Variants in CNST observed in about 807,000 individuals in gnomAD.
CNST encodes the protein consortin.
A neutral mutation model predicts 72.4 loss-of-function variants in CNST; 39 were observed. The ratio of observed to expected loss-of-function variants is 0.54; its 90% CI spans 0.42 to 0.70. The LOEUF (loss-of-function observed/expected upper bound fraction) is 0.70, where lower values mean the gene tolerates loss of function less well. Among genes scored for constraint, CNST ranks in the 30% least tolerant of loss-of-function variants. The pLI is 0.00. For synonymous variants in CNST, 332 were observed against 320.1 expected, an observed-to-expected ratio of 1.04 and a Z score of -0.40; for missense variants, 871 against 868.5, an observed-to-expected ratio of 1.00 and a Z score of -0.04.
intron 3 of CNST, among the ~76,000 whole-genome samples, chr1:246,622,894 G>C (rs1175336188): frequency 6.6e-6 from 1 of 152,100 alleles, no homozygotes; most frequent in African/African-American, 2.4e-5. Context: ...CATGATCTCA[G>C]CTCACTGTAA....
intron 9 of CNST, among the ~76,000 whole-genome samples, chr1:246,656,368 G>A (rs947000040): frequency 2.0e-5 from 3 of 152,198 alleles, no homozygotes; most frequent in African/African-American, 7.2e-5. Flanking sequence ...GAGGGGAAGT[G>A]TGGGAAGAAC....
At chr1:246,617,107 C>T (rs971677036) in intron 2 of CNST, among the ~76,000 whole-genome samples, 1 of 152,048 alleles carries the variant, frequency 6.6e-6, no homozygotes, top group African/African-American at 2.4e-5. Context: ...TAAAAATAAG[C>T]TCTTAGCATA....
intron 3 of CNST, among the ~76,000 whole-genome samples, chr1:246,625,424 T>C (rs1664353441): frequency 7.4e-6 from 1 of 135,630 alleles, no homozygotes; most frequent in Admixed American, 7.5e-5. Context: ...CTTTTTTTTT[T>C]TTTTTTTTTT....
chr1:246,649,325 T>A (rs1666318807), intron 9 of CNST, among the ~76,000 whole-genome samples: 1 of 152,062 alleles, frequency 6.6e-6, no homozygotes, highest in South Asian at 2.1e-4. Context: ...TTACAAAGAG[T>A]TAAAATGGCA....
At chr1:246,660,366 A>G (rs1667028274) in intron 10 of CNST, 32 bp downstream of exon 10, 3 of 1,598,086 alleles carry the variant, frequency 1.9e-6, no homozygotes, top group African/African-American at 1.3e-5. Context: ...CTAGCAGGAT[A>G]GATGCTCAGT....
At chr1:246,612,252 AGT>A (rs1228847307) in intron 2 of CNST, among the ~76,000 whole-genome samples, 1 of 152,250 alleles carries the variant, frequency 6.6e-6, no homozygotes, top group African/African-American at 2.4e-5. Flanking sequence ...CCCAGACTAG[AGT>A]GCAGTGGCAC....
chr1:246,599,634 G>A (rs905426492), intron 2 of CNST, among the ~76,000 whole-genome samples: 1 of 152,138 alleles, frequency 6.6e-6, no homozygotes, highest in Non-Finnish European at 1.5e-5. Context: ...TGGGCTGGGC[G>A]CAATGGCTCA....
chr1:246,626,631 A>G (rs1664458002), intron 3 of CNST, among the ~76,000 whole-genome samples: 4 of 144,752 alleles, frequency 2.8e-5, no homozygotes, highest in African/African-American at 5.1e-5. Context: ...TAATTTTTAA[A>G]TTTTTAGCAG....
chr1:246,620,958 T>C (rs1208820251), intron 2 of CNST, among the ~76,000 whole-genome samples: 2 of 152,272 alleles, frequency 1.3e-5, no homozygotes, highest in Non-Finnish European at 2.9e-5. Context: ...AGTTCCTTTC[T>C]GAGGCAGTCT....
intron 3 of CNST, among the ~76,000 whole-genome samples, chr1:246,622,796 G>A (rs1664176928): frequency 6.6e-6 from 1 of 151,938 alleles, no homozygotes; most frequent in Non-Finnish European, 1.5e-5. Flanking sequence ...TATTTGAGCT[G>A]CATCTTATTT....
intron 8 of CNST, among the ~76,000 whole-genome samples, chr1:246,642,451 A>G (rs1238058611): frequency 6.6e-6 from 1 of 152,046 alleles, no homozygotes; most frequent in Admixed American, 6.5e-5. Context: ...GTAAATTTAG[A>G]TATTTTAAAC....
At chr1:246,658,846 C>G (rs1052248847) in intron 9 of CNST, among the ~76,000 whole-genome samples, 12 of 152,230 alleles carry the variant, frequency 7.9e-5, no homozygotes, top group South Asian at 2.1e-4. Context: ...AAGTTAACTT[C>G]TGTGACTGGC....
At chr1:246,591,475 A>AC in intron 1 of CNST, 37 bp from the exon 2 acceptor site, 1 of 1,235,272 alleles carries the variant, frequency 8.1e-7, no homozygotes, top group Non-Finnish European at 1.1e-6. Flanking sequence ...TGCAAAGGTT[A>AC]GAAAATGAAG....
rs142685342 is a variant in CNST at position 246,595,484 on chromosome 1, C to T, written c.379+3543C>T. Among the ~76,000 whole-genome samples the T allele has an allele frequency of 2.3e-3, 353 of 152,272 alleles. 3 individuals carry two copies. Among genetic ancestry groups the T allele is most frequent in the African/African-American group, 8.1e-3 (336 of 41,562 alleles). On this transcript the variant is annotated intron_variant, in intron 2 of 10. Transcript: ENST00000366513. ...CTACATTTGTTTCCCATCTTGCTTC[C>T]ATCCTCCATGTCAAAAATAATGCAA... is the stretch of plus-strand genomic sequence containing the variant.
At chr1:246,628,858 G>T (rs1664606816) in intron 3 of CNST, among the ~76,000 whole-genome samples, 1 of 152,102 alleles carries the variant, frequency 6.6e-6, no homozygotes, top group African/African-American at 2.4e-5. Flanking sequence ...GGATAACCAG[G>T]ATCACCTTAC....
chr1:246,601,335 A>T (rs1022358552), intron 2 of CNST, among the ~76,000 whole-genome samples: 1 of 151,950 alleles, frequency 6.6e-6, no homozygotes, highest in African/African-American at 2.4e-5. Flanking sequence ...ATACAAAACA[A>T]TGAGGTTCTG....
intron 9 of CNST, 44 bp from the exon 10 acceptor site, chr1:246,660,155 C>T (rs752812969): frequency 9.0e-6 from 14 of 1,549,888 alleles, no homozygotes; most frequent in Non-Finnish European, 1.2e-5. Flanking sequence ...GTAGAGATGT[C>T]CCGCCTTAAT....
At position 246,647,336 on chromosome 1, in the gene CNST, G is replaced by C. The variant is rs199596698; in HGVS notation, c.1135G>C (p.Glu379Gln). 1 of 1,614,182 alleles carries C rather than the reference G, an allele frequency of 6.2e-7. No homozygotes were observed. The highest frequency in any genetic ancestry group is 8.5e-7 in the Non-Finnish European group (1 of 1,180,044). ...ATLALHTQSS[E>Q]TAGSPSGPDS... The stretch of plus-strand genomic sequence containing the variant: ...GTTAGCGCTCCACACCCAGTCCTCC[G>C]AGACAGCAGGGAGCCCGTCTGGGCC... Residue 379 changes from glutamate to glutamine, a missense_variant, in exon 9 of 11, where the codon GAG becomes CAG. Physicochemically the swap from Glu to Gln is conservative, Grantham distance 29. Transcript: ENST00000366513.
chr1:246,605,625 CCTCTCTGT>C (rs1166285598), intron 2 of CNST, among the ~76,000 whole-genome samples: 1 of 150,474 alleles, frequency 6.6e-6, no homozygotes, highest in African/African-American at 2.5e-5. Context: ...ACCTGGATGG[CCTCTCTGT>C]CTATCCTCGG....
Sources: allele counts gnomAD v4.1 joint callset (sites outside exome capture counted in the v4.1 genomes callset), GRCh38; gene constraint gnomAD v4.1.1; transcripts MANE v1.5; gene names NCBI Gene and HGNC (gene_info 2026-07-23, HGNC 2026-07-21).